Variants in SNX18 observed in about 807,000 individuals in gnomAD.
The protein encoded by SNX18 is sorting nexin 18.
Under a neutral mutation model 48.7 loss-of-function variants are expected in SNX18, and 35 were observed. The observed-to-expected ratio is 0.72, with a 90% CI of 0.55 to 0.95. SNX18 has a LOEUF of 0.95. Ranked by LOEUF, SNX18 falls within the 40% of genes least tolerant of loss-of-function variation. The pLI is 0.00. For missense variants in SNX18, 824 were observed against 871.0 expected (o/e 0.95, Z 0.68); for synonymous variants, 492 against 384.7 (o/e 1.28, Z -3.26).
chr5:54,608,438 G>A, the SNX18 span, among the ~76,000 whole-genome samples: 2 of 152,052 alleles, frequency 1.3e-5, no homozygotes, highest in East Asian at 1.9e-4. Context: ...ATCTCACTAT[G>A]TTGCCCAAGC....
chr5:54,636,222 C>T, the SNX18 span, among the ~76,000 whole-genome samples: 1 of 152,138 alleles, frequency 6.6e-6, no homozygotes, highest in Non-Finnish European at 1.5e-5. Flanking sequence ...TCCCTTTCCC[C>T]ATCAGGCCCA....
chr5:54,556,532 G>A, the SNX18 span, among the ~76,000 whole-genome samples: 3 of 152,262 alleles, frequency 2.0e-5, no homozygotes, highest in South Asian at 6.2e-4. Context: ...TATAATGTAG[G>A]AGACTCTTAT....
chr5:54,584,325 G>A, the SNX18 span, among the ~76,000 whole-genome samples: 1 of 152,054 alleles, frequency 6.6e-6, no homozygotes, highest in South Asian at 2.1e-4. Flanking sequence ...TAGGGTTACA[G>A]GTGTGAGCCA....
the SNX18 span, among the ~76,000 whole-genome samples, chr5:54,593,964 G>A: frequency 6.6e-6 from 1 of 152,158 alleles, no homozygotes; most frequent in African/African-American, 2.4e-5. Flanking sequence ...ATCTTGGGTA[G>A]ACAAACATTT....
At chr5:54,522,176 C>G (rs768509182) in intron 1 of SNX18, among the ~76,000 whole-genome samples, 50 of 152,174 alleles carry the variant, frequency 3.3e-4, no homozygotes, top group Non-Finnish European at 3.8e-4. Flanking sequence ...CAGTGTTTAT[C>G]AAGGATGCTA....
the SNX18 span, among the ~76,000 whole-genome samples, chr5:54,614,797 A>C: frequency 6.6e-6 from 1 of 152,220 alleles, no homozygotes; most frequent in Non-Finnish European, 1.5e-5. Context: ...TGGGTGATTA[A>C]ATCTTTTAAA....
At chr5:54,627,975 T>A in the SNX18 span, among the ~76,000 whole-genome samples, 3 of 152,044 alleles carry the variant, frequency 2.0e-5, no homozygotes. Context: ...TACATCTGGG[T>A]TCATAGGCAG....
chr5:54,564,255 A>G, the SNX18 span, among the ~76,000 whole-genome samples: 1 of 152,070 alleles, frequency 6.6e-6, no homozygotes, highest in Non-Finnish European at 1.5e-5. Context: ...AAAAAGAATG[A>G]AACTCCATCT....
At chr5:54,528,962 T>C (rs540203698) in intron 1 of SNX18, among the ~76,000 whole-genome samples, 12 of 152,282 alleles carry the variant, frequency 7.9e-5, no homozygotes, top group African/African-American at 2.9e-4. Context: ...TTGGTGTTCT[T>C]TGAAAAGCTC....
At chr5:54,612,947 C>G in the SNX18 span, among the ~76,000 whole-genome samples, 166 of 152,340 alleles carry the variant, frequency 1.1e-3, no homozygotes, top group African/African-American at 3.9e-3. Context: ...GAGACCTTTT[C>G]CCTTCCTCCT....
chr5:54,578,632 G>A, the SNX18 span, among the ~76,000 whole-genome samples: 1 of 152,208 alleles, frequency 6.6e-6, no homozygotes, highest in African/African-American at 2.4e-5. Context: ...GCAGCAGTGA[G>A]AGGTCCCCCT....
At chr5:54,593,389 T>A in the SNX18 span, among the ~76,000 whole-genome samples, 147 of 152,314 alleles carry the variant, frequency 9.7e-4, no homozygotes, top group African/African-American at 3.3e-3. Flanking sequence ...GAATAGAGTC[T>A]GGGCCTTAAT....
the SNX18 span, among the ~76,000 whole-genome samples, chr5:54,639,967 G>A: frequency 1.3e-5 from 2 of 152,138 alleles, no homozygotes; most frequent in Non-Finnish European, 2.9e-5. Flanking sequence ...CAATGGAGAT[G>A]GCACTCCATT....
At chr5:54,631,003 C>A in the SNX18 span, among the ~76,000 whole-genome samples, 4 of 152,100 alleles carry the variant, frequency 2.6e-5, no homozygotes, top group Non-Finnish European at 4.4e-5. Flanking sequence ...ACTTGCGTCA[C>A]CTACAGAGGC....
chr5:54,603,390 C>T, the SNX18 span, among the ~76,000 whole-genome samples: 2 of 151,988 alleles, frequency 1.3e-5, no homozygotes, highest in Non-Finnish European at 2.9e-5. Context: ...CAGGCATGAG[C>T]CACAATGCCT....
At chr5:54,624,033 T>A in the SNX18 span, among the ~76,000 whole-genome samples, 1 of 152,178 alleles carries the variant, frequency 6.6e-6, no homozygotes, top group African/African-American at 2.4e-5. Flanking sequence ...ATCTCAAGGT[T>A]TATGGAAGGA....
chr5:54,638,697 A>T, the SNX18 span, among the ~76,000 whole-genome samples: 1 of 152,188 alleles, frequency 6.6e-6, no homozygotes. Context: ...GTATCACTTC[A>T]TTTTAGCCTC....
chr5:54,633,180 CTG>C, the SNX18 span, among the ~76,000 whole-genome samples: 1 of 152,198 alleles, frequency 6.6e-6, no homozygotes, highest in Admixed American at 6.5e-5. Context: ...AGGATAGAAA[CTG>C]AGAATTTGCA....
At chr5:54,619,732 A>G in the SNX18 span, among the ~76,000 whole-genome samples, 1 of 152,276 alleles carries the variant, frequency 6.6e-6, no homozygotes, top group East Asian at 1.9e-4. Context: ...TCATAGTAGA[A>G]TTTGTGACCT....
Sources: allele counts gnomAD v4.1 joint callset (sites outside exome capture counted in the v4.1 genomes callset), GRCh38; gene constraint gnomAD v4.1.1; transcripts MANE v1.5; gene names NCBI Gene and HGNC (gene_info 2026-07-23, HGNC 2026-07-21).